TM9SF2: variants seen among roughly 807,000 people sequenced by gnomAD.
TM9SF2 encodes transmembrane 9 superfamily member 2.
Under a neutral mutation model 84.9 loss-of-function variants are expected in TM9SF2, and 13 were observed. The ratio of observed to expected loss-of-function variants is 0.15; its 90% CI spans 0.10 to 0.24. The LOEUF is 0.24. Ranked by LOEUF, TM9SF2 falls within the 10% of genes least tolerant of loss-of-function variation. The pLI, the probability that TM9SF2 is intolerant of heterozygous loss-of-function variation, is 1.00. For missense variants in TM9SF2, 562 were observed against 818.5 expected (o/e 0.69, Z 3.82); for synonymous variants, 273 against 285.8 (o/e 0.96, Z 0.45).
rs1414212097 is a variant in TM9SF2, at chr13:99,554,323, G to A, written c.1508G>A (p.Arg503Gln). ...FKKNAIEHPV[R>Q]TNQIPRQIPE... ...CTGAAGGCCATTGAACACCCAGTTC[G>A]AACCAATCAGATTCCACGTCAGATT... The change falls in exon 14 of 17, where the codon CGA (arginine) becomes CAA (glutamine). Residue 503 changes from arginine (R) to glutamine (Q), a missense_variant. Physicochemically the swap from Arg to Gln is conservative, Grantham distance 43. Transcript: ENST00000376387. The A allele has an allele frequency of 6.2e-7, 1 of 1,613,666 alleles. No individual in the cohort carries two copies.
chr13:99,552,153 G>C lies in TM9SF2; in HGVS notation c.1329-14G>C. ...TATCTCTGGTTTTACCCAAAAGCCT[G>C]TTGTGTCTTTCAGGATTGTATTTGC... On this transcript the variant is annotated splice_polypyrimidine_tract_variant and intron_variant, in intron 12 of 16. Transcript: ENST00000376387. The C allele has an allele frequency of 1.2e-6, 2 of 1,610,218 alleles. No individual in the cohort carries two copies. Among genetic ancestry groups the C allele is most frequent in the Non-Finnish European group, 1.7e-6 (2 of 1,178,398 alleles).
chr13:99,544,667 G>A (rs930380888), intron 10 of TM9SF2, among the ~76,000 whole-genome samples: 6 of 152,316 alleles, frequency 3.9e-5, no homozygotes, highest in African/African-American at 1.4e-4. Context: ...GGCTTCCACG[G>A]AGGGAGGAGG....
At chr13:99,545,723 C>T (rs549525690) in intron 10 of TM9SF2, among the ~76,000 whole-genome samples, 55 of 152,152 alleles carry the variant, frequency 3.6e-4, no homozygotes, top group Non-Finnish European at 7.5e-4. Context: ...CCTGCCACCA[C>T]GCCTGGCTGA....
intron 4 of TM9SF2, among the ~76,000 whole-genome samples, chr13:99,532,171 C>A (rs1449014947): frequency 6.6e-6 from 1 of 151,796 alleles, no homozygotes; most frequent in African/African-American, 2.4e-5. Flanking sequence ...CCTGCCTCAG[C>A]CTCCCGAGTA....
At chr13:99,560,263 G>A (rs1234994494) in intron 16 of TM9SF2, among the ~76,000 whole-genome samples, 2 of 152,212 alleles carry the variant, frequency 1.3e-5, no homozygotes, top group East Asian at 3.9e-4. Flanking sequence ...AAAGAAAAAA[G>A]AACAAGTTTT....
chr13:99,546,564 TG>T (rs1436300935), intron 10 of TM9SF2, among the ~76,000 whole-genome samples: 1 of 151,720 alleles, frequency 6.6e-6, no homozygotes, highest in Non-Finnish European at 1.5e-5. Context: ...TGTAAGGTTT[TG>T]GGTTTTTTTT....
At chr13:99,512,317 C>G (rs2046116933) in intron 1 of TM9SF2, among the ~76,000 whole-genome samples, 1 of 152,184 alleles carries the variant, frequency 6.6e-6, no homozygotes, top group African/African-American at 2.4e-5. Flanking sequence ...TTCCCACATT[C>G]AAAATTATTA....
chr13:99,562,980 G>A lies in TM9SF2; in HGVS notation c.*222G>A. On this transcript the variant is annotated 3_prime_UTR_variant, in exon 17 of 17. Coordinates refer to ENST00000376387, the MANE Select transcript of TM9SF2 (RefSeq NM_004800.3). The stretch of plus-strand genomic sequence containing the variant: ...TGTGATTTGATTAAGTATATATTTG[G>A]TTGTTCTCAATGAAGAGCAAATTTA... 2.4e-6 allele frequency: 1 copy of A among 416,642 alleles called. No individual in the cohort carries two copies. Among genetic ancestry groups the A allele is most frequent in the Non-Finnish European group, 4.3e-6 (1 of 235,108 alleles). 25.8% of individuals were successfully genotyped at this position (416,642 alleles called of 1,614,324 possible).
chr13:99,549,559 A>G (rs568120891), intron 12 of TM9SF2, among the ~76,000 whole-genome samples: 1 of 152,108 alleles, frequency 6.6e-6, no homozygotes, highest in South Asian at 2.1e-4. Context: ...TCCTGAAGAT[A>G]GTTCAGGCAA....
chr13:99,541,659 G>T lies in TM9SF2; in HGVS notation c.1009G>T (p.Asp337Tyr). The T allele has an allele frequency of 6.2e-7, 1 of 1,605,580 alleles. No homozygotes were observed. Among genetic ancestry groups the T allele is most frequent in the South Asian group, 1.1e-5 (1 of 90,300 alleles). Residue 337 changes from aspartate (D) to tyrosine (Y), a missense_variant, in exon 9 of 17, where the codon GAC becomes TAC. Physicochemically the swap from Asp to Tyr is radical, Grantham distance 160. Around this residue, in one of 4 missense-constraint regions of TM9SF2, gnomAD observed 219 missense variants for 338.1 expected, o/e 0.65. Coordinates refer to ENST00000376387, the MANE Select transcript of TM9SF2 (RefSeq NM_004800.3). ...HKDIARYNQMDSTEDAQEEFG... is the reference protein window; with the variant it reads ...HKDIARYNQMYSTEDAQEEFG... ...AGATATTGCTAGATATAATCAGATG[G>T]ACTCTACGGTAAGTGGAAACATTTT... is the stretch of plus-strand genomic sequence containing the variant.
chr13:99,559,639 G>A, intron 16 of TM9SF2, 105 bp downstream of exon 16: 1 of 1,097,856 alleles, frequency 9.1e-7, no homozygotes, highest in Non-Finnish European at 1.3e-6. Flanking sequence ...TTCTGTTAGT[G>A]CTCCCATATT....
At chr13:99,562,455 A>G (rs2046348333) in intron 16 of TM9SF2, among the ~76,000 whole-genome samples, 1 of 152,234 alleles carries the variant, frequency 6.6e-6, no homozygotes, top group South Asian at 2.1e-4. Context: ...TGTGTATTGT[A>G]GAAAGCTTAG....
intron 5 of TM9SF2, among the ~76,000 whole-genome samples, chr13:99,537,518 T>C (rs957592889): frequency 1.3e-5 from 2 of 152,196 alleles, no homozygotes; most frequent in African/African-American, 4.8e-5. Flanking sequence ...TTGGTACTTA[T>C]TAGATTTTAT....
In TM9SF2 at chr13:99,550,869, TTC is replaced by T. The variant is rs1197329017; in HGVS notation, c.1329-1295_1329-1294del. Among the ~76,000 whole-genome samples, 9 of 152,180 alleles carry T rather than the reference TTC, an allele frequency of 5.9e-5. No individual in the cohort carries two copies. The South Asian group carries it at 1.0e-3, about 17-fold the overall frequency. ...CACTGATAATAAAACACTAGGGACA[TTC>T]TCAGTAAATCTCTTTCATGGCTTGT... On this transcript the variant is annotated intron_variant, in intron 12 of 16. Transcript: ENST00000376387.
chr13:99,505,354 C>T (rs1444891709), intron 1 of TM9SF2, among the ~76,000 whole-genome samples: 4 of 152,004 alleles, frequency 2.6e-5, no homozygotes, highest in East Asian at 1.9e-4. Context: ...GGTTTCACCA[C>T]GTTGGCCAGG....
At chr13:99,522,898 A>G (rs1230518040) in intron 3 of TM9SF2, among the ~76,000 whole-genome samples, 2 of 152,228 alleles carry the variant, frequency 1.3e-5, no homozygotes, top group Non-Finnish European at 2.9e-5. Flanking sequence ...AGTGCTTTTC[A>G]GATTTAATCC....
At chr13:99,548,405 C>T (rs1341035733) in intron 11 of TM9SF2, among the ~76,000 whole-genome samples, 1 of 152,128 alleles carries the variant, frequency 6.6e-6, no homozygotes, top group Non-Finnish European at 1.5e-5. Flanking sequence ...TTATTATTTT[C>T]TTTTAGGGCA....
chr13:99,549,462 C>G (rs187799544), intron 12 of TM9SF2, among the ~76,000 whole-genome samples: 3 of 152,266 alleles, frequency 2.0e-5, no homozygotes, highest in East Asian at 3.9e-4. Context: ...TCTTCAAAGT[C>G]TTTCTGTTTC....
chr13:99,535,739 G>A (rs773821228), intron 4 of TM9SF2, among the ~76,000 whole-genome samples: 4 of 152,096 alleles, frequency 2.6e-5, no homozygotes, highest in Non-Finnish European at 2.9e-5. Context: ...GCCCTGGAGT[G>A]TCGTCTTATG....
Sources: allele counts gnomAD v4.1 joint callset (sites outside exome capture counted in the v4.1 genomes callset), GRCh38; gene constraint gnomAD v4.1.1; regional missense constraint gnomAD v4.1.1; transcripts MANE v1.5; gene names NCBI Gene and HGNC (gene_info 2026-07-23, HGNC 2026-07-21).